The following KCNC4 variants were observed in gnomAD, a reference collection of about 807,000 sequenced individuals.
KCNC4 encodes the protein voltage-gated potassium channel KCNC4.
Under a neutral mutation model 42.8 loss-of-function variants are expected in KCNC4, and 23 were observed. The observed-to-expected ratio is 0.54, with a 90% confidence interval of 0.39 to 0.76. KCNC4 has a LOEUF of 0.76. Ranked by LOEUF, KCNC4 falls within the 30% of genes least tolerant of loss-of-function variation. KCNC4 has a pLI of 0.00. For synonymous variants in KCNC4, 422 were observed against 393.5 expected, an observed-to-expected ratio of 1.07 and a Z score of -0.86; for missense variants, 751 against 898.2, an observed-to-expected ratio of 0.84 and a Z score of 2.10.
chr1:110,240,402 A>ACTCCCCTCAGCTCCC (rs940898511), exon 4 of KCNC4: 1 of 151,574 alleles, frequency 6.6e-6, no homozygotes, highest in Admixed American at 6.6e-5. Context: ...ATCCCTAGAG[A>ACTCCCCTCAGCTCCC]CTCCCCTCAG....
At chr1:110,213,141 A>G (rs1162406407) in intron 1 of KCNC4, among the ~76,000 whole-genome samples, 1 of 118,138 alleles carries the variant, frequency 8.5e-6, no homozygotes, top group African/African-American at 3.3e-5. Context: ...AGAACGGGGG[A>G]GGTGCTTCCC....
intron 1 of KCNC4, among the ~76,000 whole-genome samples, chr1:110,257,690 C>T (rs1403674595): frequency 3.7e-5 from 5 of 135,174 alleles, no homozygotes; most frequent in Non-Finnish European, 7.6e-5. Flanking sequence ...TACTGCACTC[C>T]AGCCTTGGCA....
chr1:110,267,075 G>A (rs1659552148), intron 1 of KCNC4, among the ~76,000 whole-genome samples: 1 of 152,192 alleles, frequency 6.6e-6, no homozygotes, highest in African/African-American at 2.4e-5. Flanking sequence ...GAACCCTTGG[G>A]GAGAGGGCTG....
chr1:110,231,688 A>G (rs1286707213), intron 3 of KCNC4, among the ~76,000 whole-genome samples: 2 of 152,142 alleles, frequency 1.3e-5, no homozygotes, highest in Non-Finnish European at 2.9e-5. Flanking sequence ...ACAGGGCAAG[A>G]CCACAGCTCT....
downstream of KCNC4, among the ~76,000 whole-genome samples, chr1:110,249,423 C>G (rs1302463195): frequency 6.6e-6 from 1 of 152,152 alleles, no homozygotes; most frequent in Non-Finnish European, 1.5e-5. Flanking sequence ...ATGCCTGGCA[C>G]CTGGTTAGCA....
chr1:110,215,866 C>CT (rs1657767858), intron 1 of KCNC4, among the ~76,000 whole-genome samples: 1 of 152,248 alleles, frequency 6.6e-6, no homozygotes, highest in South Asian at 2.1e-4. Context: ...TCTCATCAAT[C>CT]TAAGTCTGTG....
At position 110,211,728 on chromosome 1, in the gene KCNC4, G is replaced by T. The variant is rs200808980; in HGVS notation, c.229G>T (p.Asp77Tyr). The T allele has an allele frequency of 9.5e-5, 153 of 1,608,564 alleles. No homozygotes were observed. In the East Asian group the frequency reaches 2.5e-3, roughly 26 times the overall value. ...DPDGGGRPETDGGGVGSSGSS... is the reference protein window; with the variant it reads ...DPDGGGRPETYGGGVGSSGSS... The stretch of plus-strand genomic sequence containing the variant: ...CGACGGCGGGGGCCGGCCCGAGACC[G>T]ATGGCGGCGGTGTGGGTAGCAGCGG... The change falls in exon 1 of 4, where the codon GAT becomes TAT. Residue 77 changes from aspartate to tyrosine, a missense_variant. Asp to Tyr is a radical substitution (Grantham distance 160). Around this residue, in one of 4 missense-constraint regions of KCNC4, gnomAD observed 183 missense variants for 255.8 expected, o/e 0.72. Coordinates refer to ENST00000438661, the MANE Select transcript of KCNC4 (RefSeq NM_001039574.3). This position sits in a 1 kb window ranked among gnomAD's most constrained non-coding sequence, Gnocchi z 6.5.
chr1:110,212,469 C>G lies in KCNC4; in HGVS notation c.678+292C>G, dbSNP rs574177244. On this transcript the variant is annotated intron_variant, in intron 1 of 3. Transcript: ENST00000438661. ...AGTGAGTGGGGTGCCCAGCTCAGCT[C>G]CTCCACCCCCTTCTTTGGTCTGCAC... Among the ~76,000 whole-genome samples, 185 of 152,304 alleles carry G rather than the reference C, an allele frequency of 1.2e-3. 2 individuals carry two copies. The highest frequency in any genetic ancestry group is 2.2e-3 in the Non-Finnish European group (153 of 68,026).
intron 1 of KCNC4, among the ~76,000 whole-genome samples, chr1:110,215,677 T>G (rs868697511): frequency 3.3e-5 from 5 of 152,198 alleles, no homozygotes; most frequent in African/African-American, 1.2e-4. Flanking sequence ...GTCTTCCCCT[T>G]TGTTAAGTGT....
intron 1 of KCNC4, among the ~76,000 whole-genome samples, chr1:110,257,527 A>G (rs1886107): frequency 0.24 from 35,960 of 151,182 alleles, 5,178 homozygotes; most frequent in Non-Finnish European, 0.32. Context: ...CATCCTGGCT[A>G]ACATGGTGAA....
In KCNC4 at chr1:110,223,677, C is replaced by T. The variant is rs757822089; in HGVS notation, c.1392C>T (p.Ile464=). 80 of 1,613,886 alleles carry T rather than the reference C, an allele frequency of 5.0e-5. 1 individual carries two copies. Among genetic ancestry groups the T allele is most frequent in the South Asian group, 3.5e-4 (32 of 91,088 alleles). Residue 464 remains isoleucine, a synonymous_variant, in exon 2 of 4, where the codon ATC becomes ATT. Transcript: ENST00000438661. The surrounding 1 kb of genome is among the most constrained non-coding windows in gnomAD (Gnocchi z 7.5). ...GTGCACTGGCTGGCGTGCTCACCAT[C>T]GCCATGCCGGTGCCTGTCATCGTCA... ...ALCALAGVLT[I]AMPVPVIVNN... is the part of the protein sequence containing the mutation.
intron 1 of KCNC4, among the ~76,000 whole-genome samples, chr1:110,281,847 G>A (rs1000134262): frequency 3.3e-5 from 5 of 152,200 alleles, no homozygotes; most frequent in African/African-American, 1.2e-4. Context: ...CCAGCCTCAG[G>A]GAGAGTCCAG....
chr1:110,213,655 A>G (rs1571022165), intron 1 of KCNC4, among the ~76,000 whole-genome samples: 1 of 152,344 alleles, frequency 6.6e-6, no homozygotes, highest in East Asian at 1.9e-4. Flanking sequence ...ACAAAGCTAG[A>G]GGCAACTGTC....
chr1:110,260,726 C>G (rs770189681), intron 1 of KCNC4, among the ~76,000 whole-genome samples: 5 of 152,058 alleles, frequency 3.3e-5, no homozygotes, highest in Non-Finnish European at 5.9e-5. Context: ...GTCAGGAGAT[C>G]GAGACAATCC....
chr1:110,212,032 G>T lies in KCNC4; in HGVS notation c.533G>T (p.Gly178Val). 1 of 1,586,400 alleles carries T rather than the reference G, an allele frequency of 6.3e-7. No homozygotes were observed. Among genetic ancestry groups the T allele is most frequent in the Non-Finnish European group, 8.6e-7 (1 of 1,168,150 alleles). ...GSGAGPSDEA[G>V]DDERELALQR... Reference sequence around the variant, plus strand: ...GGCGCGGGGCCCAGCGACGAGGCCGGCGACGATGAGCGGGAGCTGGCCCTG... The same window carrying T: ...GGCGCGGGGCCCAGCGACGAGGCCGTCGACGATGAGCGGGAGCTGGCCCTG... The change falls in exon 1 of 4, where the codon GGC becomes GTC. Residue 178 changes from glycine to valine, a missense_variant. Transcript: ENST00000438661.
chr1:110,253,109 T>C (rs570752222), downstream of KCNC4, among the ~76,000 whole-genome samples: 14 of 152,314 alleles, frequency 9.2e-5, no homozygotes, highest in East Asian at 2.7e-3. Flanking sequence ...GAAGCTGGTA[T>C]ATCTTCCCAG....
At position 110,264,707 on chromosome 1, in the gene KCNC4, T is replaced by C. The variant is rs147029021; in HGVS notation, n.31-17827T>C. On this transcript the variant is annotated intron_variant and non_coding_transcript_variant, in intron 1 of 2. Transcript: ENST00000412512. The stretch of plus-strand genomic sequence containing the variant: ...GCTAGCTAGGAGCCTGCAATTTTCC[T>C]GGAAGGAACTCAAGATTTTTCTTTA... Among the ~76,000 whole-genome samples, 48 of 152,328 alleles carry C rather than the reference T, an allele frequency of 3.2e-4. No individual in the cohort carries two copies. The East Asian group carries it at 9.3e-3, about 29-fold the overall frequency.
chr1:110,219,473 A>G (rs1657976116), intron 1 of KCNC4, among the ~76,000 whole-genome samples: 1 of 152,170 alleles, frequency 6.6e-6, no homozygotes, highest in Non-Finnish European at 1.5e-5. Context: ...CGGAAGTCTA[A>G]ACCCGGGCCC....
At chr1:110,237,576 G>A (rs975939001), downstream of KCNC4, 1 of 152,272 alleles carries the variant, frequency 6.6e-6, no homozygotes, top group Non-Finnish European at 1.5e-5. Context: ...AGGGTTCGTG[G>A]GAAGTATTTC....
Sources: gnomAD v4.1 joint callset for allele counts (sites outside exome capture counted in the v4.1 genomes callset) on GRCh38, gnomAD v4.1.1 for gene constraint, gnomAD v4.1.1 regional missense constraint, Gnocchi (gnomAD v3.1) non-coding constraint, MANE v1.5 for transcripts, NCBI Gene and HGNC (gene_info 2026-07-23, HGNC 2026-07-21) for gene names.